PIBF1: variants seen among roughly 807,000 people sequenced by gnomAD.
PIBF1 encodes progesterone-induced-blocking factor 1.
A neutral mutation model predicts 112.5 loss-of-function variants in PIBF1; 90 were observed. That is an observed-to-expected ratio of 0.80 (90% CI 0.67 to 0.95). The LOEUF is 0.95. Ranked by LOEUF, PIBF1 falls within the 40% of genes least tolerant of loss-of-function variation. The pLI, the probability that PIBF1 is intolerant of heterozygous loss-of-function variation, is 0.00. For synonymous variants in PIBF1, 301 were observed against 288.6 expected (o/e 1.04, Z -0.44); for missense variants, 915 against 852.3 (o/e 1.07, Z -0.92).
Position 72,795,399 on chromosome 13 carries a change from T to G in PIBF1, c.394T>G (p.Leu132Val), listed in dbSNP as rs762083044. The G allele has an allele frequency of 6.9e-6, 11 of 1,603,518 alleles. No individual in the cohort carries two copies. The highest frequency in any genetic ancestry group is 8.5e-6 in the Non-Finnish European group (10 of 1,176,830). ...ELMKQEMETILLRQKQLEETN... is the reference protein window; with the variant it reads ...ELMKQEMETIVLRQKQLEETN... The stretch of plus-strand genomic sequence containing the variant: ...AATGAAACAAGAAATGGAAACCATT[T>G]TGTTGAGACAGAAACAACTAGAAGA... Residue 132 changes from leucine to valine, a missense_variant, in exon 4 of 18, where the codon TTG becomes GTG. Transcript: ENST00000326291.
chr13:72,979,720 G>C (rs746515088), intron 16 of PIBF1, among the ~76,000 whole-genome samples: 1 of 151,982 alleles, frequency 6.6e-6, no homozygotes, highest in Non-Finnish European at 1.5e-5. Flanking sequence ...TCAGGAGATC[G>C]AGACCATCCT....
At chr13:72,965,228 T>A in intron 14 of PIBF1, 46 bp from the exon 15 acceptor site, 1 of 1,556,844 alleles carries the variant, frequency 6.4e-7, no homozygotes, top group Non-Finnish European at 8.8e-7. Flanking sequence ...TGATTTTATT[T>A]TGTTGTCACA....
At chr13:73,008,451 T>G (rs1248150039) in intron 17 of PIBF1, among the ~76,000 whole-genome samples, 2 of 152,172 alleles carry the variant, frequency 1.3e-5, no homozygotes, top group East Asian at 3.9e-4. Flanking sequence ...ACATGAAACT[T>G]TATGCCCAGA....
intron 14 of PIBF1, among the ~76,000 whole-genome samples, chr13:72,947,108 C>G (rs909201143): frequency 6.6e-6 from 1 of 152,218 alleles, no homozygotes; most frequent in Non-Finnish European, 1.5e-5. Context: ...CCTGAACATC[C>G]AGGAGTTTTC....
chr13:72,830,973 G>A (rs1175100296), intron 8 of PIBF1, among the ~76,000 whole-genome samples: 2 of 151,934 alleles, frequency 1.3e-5, no homozygotes, highest in African/African-American at 2.4e-5. Flanking sequence ...TCAGGGATTC[G>A]ACTTCTTCCT....
chr13:72,847,711 A>C (rs1391330714), intron 9 of PIBF1, among the ~76,000 whole-genome samples: 1 of 152,240 alleles, frequency 6.6e-6, no homozygotes, highest in Non-Finnish European at 1.5e-5. Context: ...CAAGAAATTT[A>C]TTAAATAAGA....
intron 2 of PIBF1, among the ~76,000 whole-genome samples, chr13:72,783,940 G>C (rs1278543403): frequency 2.0e-5 from 3 of 152,140 alleles, no homozygotes; most frequent in Non-Finnish European, 4.4e-5. Context: ...TTGGGGAGAT[G>C]TTGGTCAAAG....
At chr13:72,984,908 A>C (rs572475890) in intron 16 of PIBF1, among the ~76,000 whole-genome samples, 2 of 152,258 alleles carry the variant, frequency 1.3e-5, no homozygotes, top group African/African-American at 4.8e-5. Context: ...TTTATATCAC[A>C]TTTTCACATC....
At position 72,827,887 on chromosome 13, in the gene PIBF1, A is replaced by C; in HGVS notation, c.1070A>C (p.Glu357Ala). Reference protein sequence around the residue: ...QLEESKKAREEMYEKYVASRD... With the variant: ...QLEESKKAREAMYEKYVASRD... The stretch of plus-strand genomic sequence containing the variant: ...GAAGAAAGCAAAAAGGCTAGAGAAG[A>C]GATGTATGAAAAATATGTAGCATCC... The change falls in exon 8 of 18, where the codon GAG becomes GCG. Residue 357 changes from glutamate to alanine, a missense_variant. Physicochemically the swap from Glu to Ala is moderately radical, Grantham distance 107. Transcript: ENST00000326291. The C allele has an allele frequency of 1.3e-6, 2 of 1,580,510 alleles. No individual in the cohort carries two copies.
At chr13:72,945,307 GGTTGAT>G (rs1271122175) in intron 14 of PIBF1, among the ~76,000 whole-genome samples, 2 of 152,176 alleles carry the variant, frequency 1.3e-5, no homozygotes, top group African/African-American at 4.8e-5. Context: ...TGGGCACGTA[GGTTGAT>G]TCCATGTCTT....
chr13:72,941,985 GA>G (rs2042023179), intron 14 of PIBF1, among the ~76,000 whole-genome samples: 1 of 152,128 alleles, frequency 6.6e-6, no homozygotes, highest in Admixed American at 6.6e-5. Context: ...AATATGAAAT[GA>G]GCTTTATTGG....
chr13:72,797,886 A>C (rs776839194), intron 4 of PIBF1, 21 bp from the exon 5 acceptor site: 7 of 1,567,140 alleles, frequency 4.5e-6, no homozygotes, highest in African/African-American at 1.4e-5. Context: ...AAGACTGCTT[A>C]TTAATTTAAT....
intron 16 of PIBF1, among the ~76,000 whole-genome samples, chr13:72,986,817 A>G (rs2043304628): frequency 2.0e-5 from 3 of 151,622 alleles, no homozygotes; most frequent in African/African-American, 7.3e-5. Flanking sequence ...CAGCCTCCCG[A>G]GTAGCTGGGA....
At chr13:72,810,381 A>G (rs1036512405) in intron 5 of PIBF1, among the ~76,000 whole-genome samples, 3 of 152,204 alleles carry the variant, frequency 2.0e-5, no homozygotes, top group Non-Finnish European at 4.4e-5. Context: ...AAATGGTGAA[A>G]TATTTTTCTC....
At chr13:72,844,113 T>G (rs977670998) in intron 9 of PIBF1, among the ~76,000 whole-genome samples, 3 of 152,140 alleles carry the variant, frequency 2.0e-5, no homozygotes, top group African/African-American at 7.2e-5. Flanking sequence ...AGAAACACAT[T>G]TTATGAAGTT....
In PIBF1 at chr13:72,908,731, A is replaced by C. The variant is rs747315238; in HGVS notation, c.1639+50A>C. On this transcript the variant is annotated intron_variant, in intron 12 of 17. Transcript: ENST00000326291. ...GCACAACTTTTTTTTTTCTGGCAACAAAAGACGCCTGACCTTATTTCTAAA... is the reference window on the plus strand; with the variant it reads ...GCACAACTTTTTTTTTTCTGGCAACCAAAGACGCCTGACCTTATTTCTAAA... 2.6e-6 allele frequency: 4 copies of C among 1,518,980 alleles called. 1 individual carries two copies. The Admixed American group carries it at 7.7e-5, about 29-fold the overall frequency. The allele number at this position is 1,518,980 out of a possible 1,614,324, so 94.1% of individuals were successfully genotyped here.
intron 16 of PIBF1, among the ~76,000 whole-genome samples, chr13:72,979,937 AAG>A (rs2043116149): frequency 6.6e-6 from 1 of 152,078 alleles, no homozygotes; most frequent in Admixed American, 6.6e-5. Flanking sequence ...AAAAAGAAAA[AAG>A]AAAATTAAGA....
intron 6 of PIBF1, among the ~76,000 whole-genome samples, chr13:72,823,917 A>G (rs954713238): frequency 6.6e-6 from 1 of 152,154 alleles, no homozygotes; most frequent in Non-Finnish European, 1.5e-5. Flanking sequence ...TGCTATGGTC[A>G]TGGCTACATT....
Position 72,951,239 on chromosome 13 carries a change from G to A in PIBF1, c.1834-14035G>A, listed in dbSNP as rs886114394. On this transcript the variant is annotated intron_variant, in intron 14 of 17. Coordinates refer to ENST00000326291, the MANE Select transcript of PIBF1 (RefSeq NM_006346.4). The stretch of plus-strand genomic sequence containing the variant: ...GGATTCTTTTGTGTTCACATTCTGG[G>A]TTATTTTTAATAATTGCCTTATTTT... Among the ~76,000 whole-genome samples, 7 of 152,246 alleles carry A rather than the reference G, an allele frequency of 4.6e-5. No homozygotes were observed. In the East Asian group the frequency reaches 9.7e-4, roughly 21 times the overall value.
Sources: allele counts gnomAD v4.1 joint callset (sites outside exome capture counted in the v4.1 genomes callset), GRCh38; gene constraint gnomAD v4.1.1; transcripts MANE v1.5; gene names NCBI Gene and HGNC (gene_info 2026-07-23, HGNC 2026-07-21).